GPHN: variants seen among roughly 807,000 people sequenced by gnomAD.
GPHN encodes gephyrin.
GPHN carries 17 observed loss-of-function variants against 95.5 expected under a neutral mutation model. That is an observed-to-expected ratio of 0.18 (90% CI 0.12 to 0.27). The LOEUF is 0.27. GPHN is among the 10% of genes least tolerant of loss of function. The pLI, the probability that GPHN is intolerant of heterozygous loss-of-function variation, is 1.00. For missense variants in GPHN, 660 were observed against 978.1 expected, an observed-to-expected ratio of 0.67 and a Z score of 4.34; for synonymous variants, 320 against 322.5, an observed-to-expected ratio of 0.99 and a Z score of 0.08.
At chr14:67,548,148 A>G in the GPHN span, among the ~76,000 whole-genome samples, 1 of 152,220 alleles carries the variant, frequency 6.6e-6, no homozygotes, top group Non-Finnish European at 1.5e-5. Context: ...ATTCAGACCA[A>G]TTTAAAAATT....
At chr14:67,372,479 A>G in the GPHN span, among the ~76,000 whole-genome samples, 1 of 152,230 alleles carries the variant, frequency 6.6e-6, no homozygotes, top group Non-Finnish European at 1.5e-5. Context: ...TAAAGACACT[A>G]TAAAGAGAAT....
chr14:66,762,420 T>C (rs2058791430), intron 2 of GPHN, among the ~76,000 whole-genome samples: 1 of 152,176 alleles, frequency 6.6e-6, no homozygotes, highest in South Asian at 2.1e-4. Context: ...ATGAGGAATA[T>C]ATTATGGTCG....
chr14:67,512,701 G>C, the GPHN span, among the ~76,000 whole-genome samples: 1 of 152,054 alleles, frequency 6.6e-6, no homozygotes, highest in Non-Finnish European at 1.5e-5. Context: ...TATGACATCA[G>C]AGTCCCCAAC....
At chr14:67,311,230 G>T in the GPHN span, among the ~76,000 whole-genome samples, 3 of 146,558 alleles carry the variant, frequency 2.0e-5, no homozygotes, top group African/African-American at 7.7e-5. Flanking sequence ...AGAATCACTT[G>T]AACCCGGGAG....
chr14:67,005,763 A>G (rs1257552592), intron 9 of GPHN, among the ~76,000 whole-genome samples: 1 of 151,930 alleles, frequency 6.6e-6, no homozygotes, highest in African/African-American at 2.4e-5. Context: ...AGTGAATTTG[A>G]CTTAATTTCC....
At chr14:66,767,495 A>G (rs2059008223) in intron 2 of GPHN, among the ~76,000 whole-genome samples, 1 of 151,782 alleles carries the variant, frequency 6.6e-6, no homozygotes, top group South Asian at 2.1e-4. Context: ...ATAGTGAATA[A>G]TTCTGGGATT....
chr14:66,619,488 G>GTTT (rs56979886), intron 1 of GPHN, among the ~76,000 whole-genome samples: 18 of 143,554 alleles, frequency 1.3e-4, no homozygotes, highest in South Asian at 2.2e-4. Flanking sequence ...ATATTCTCAG[G>GTTT]TTTTTTTTTT....
the GPHN span, among the ~76,000 whole-genome samples, chr14:67,237,367 T>C: frequency 6.6e-6 from 1 of 152,164 alleles, no homozygotes; most frequent in African/African-American, 2.4e-5. Flanking sequence ...GGACATATAA[T>C]AGCCTTAGTT....
chr14:67,536,436 A>C, the GPHN span, among the ~76,000 whole-genome samples: 1 of 151,826 alleles, frequency 6.6e-6, no homozygotes, highest in African/African-American at 2.4e-5. Context: ...AGTCATACAG[A>C]TACTCACACT....
chr14:67,336,101 T>A, the GPHN span: 6 of 152,270 alleles, frequency 3.9e-5, no homozygotes, highest in African/African-American at 1.4e-4. Flanking sequence ...AGGTATGTAA[T>A]AATACTCAGG....
At chr14:67,668,901 T>C in the GPHN span, among the ~76,000 whole-genome samples, 5 of 152,266 alleles carry the variant, frequency 3.3e-5, no homozygotes, top group African/African-American at 1.2e-4. Context: ...CAATATACTG[T>C]AAATATCATA....
At chr14:66,580,036 G>A (rs10138137) in intron 1 of GPHN, among the ~76,000 whole-genome samples, 51,407 of 151,648 alleles carry the variant, frequency 0.34, 13,106 homozygotes, top group African/African-American at 0.69. Context: ...TTTAACCACA[G>A]TGGTATGAAA....
chr14:66,685,912 T>A (rs2067322778), intron 2 of GPHN, among the ~76,000 whole-genome samples: 2 of 152,228 alleles, frequency 1.3e-5, no homozygotes, highest in Admixed American at 6.5e-5. Context: ...CCATCTTGAA[T>A]TAATTTTTGT....
intron 17 of GPHN, among the ~76,000 whole-genome samples, chr14:67,129,799 A>AGG (rs1555498724): frequency 7.5e-6 from 1 of 132,496 alleles, no homozygotes; most frequent in Non-Finnish European, 1.7e-5. Flanking sequence ...AGAGAGAGGG[A>AGG]GAGGGAGGGA....
rs574302625 is a variant in GPHN at position 66,578,654 on chromosome 14, G to GAAA, written c.64+70080_64+70082dup. On this transcript the variant is annotated intron_variant, in intron 1 of 22. Coordinates refer to ENST00000478722, the MANE Select transcript of GPHN (RefSeq NM_020806.5). Reference sequence around the variant, plus strand: ...AAACCCTGCAGGTCAGGGATAGAGTGAAAAAAAAAAAAAAAAAAAGCAAAC... The same window carrying GAAA: ...AAACCCTGCAGGTCAGGGATAGAGTGAAAAAAAAAAAAAAAAAAAAAAGCAAAC... Among the ~76,000 whole-genome samples the GAAA allele has an allele frequency of 5.7e-3, 339 of 59,626 alleles. 4 individuals are homozygous for GAAA. Among genetic ancestry groups the GAAA allele is most frequent in the Middle Eastern group, 0.025 (2 of 80 alleles). 39.1% of individuals were successfully genotyped at this position (59,626 alleles called of 152,430 possible).
At chr14:67,446,448 T>G in the GPHN span, among the ~76,000 whole-genome samples, 9 of 152,312 alleles carry the variant, frequency 5.9e-5, no homozygotes, top group African/African-American at 2.2e-4. Flanking sequence ...GCCAGATGCA[T>G]TCCATGAAAC....
At chr14:67,411,021 C>A in the GPHN span, among the ~76,000 whole-genome samples, 1 of 151,678 alleles carries the variant, frequency 6.6e-6, no homozygotes, top group Non-Finnish European at 1.5e-5. Context: ...GTAGTGGATA[C>A]CTGTAGTCCC....
At chr14:67,463,744 G>A in the GPHN span, among the ~76,000 whole-genome samples, 644 of 152,104 alleles carry the variant, frequency 4.2e-3, 3 homozygotes, top group African/African-American at 0.015. Context: ...AGCCTAGGGG[G>A]AGGCTAGAAT....
At chr14:66,703,608 G>A (rs1157770047) in intron 2 of GPHN, among the ~76,000 whole-genome samples, 1 of 84,976 alleles carries the variant, frequency 1.2e-5, no homozygotes, top group East Asian at 5.7e-4. Context: ...GTTACCACCA[G>A]GACTGCCTTG....
Sources: allele counts gnomAD v4.1 joint callset (sites outside exome capture counted in the v4.1 genomes callset), GRCh38; gene constraint gnomAD v4.1.1; transcripts MANE v1.5; gene names NCBI Gene and HGNC (gene_info 2026-07-23, HGNC 2026-07-21).